Variants in CPQ observed in about 807,000 individuals in gnomAD.
CPQ encodes the protein Ser-Met dipeptidase.
Under a neutral mutation model 45.7 loss-of-function variants are expected in CPQ, and 37 were observed. That is an observed-to-expected ratio of 0.81 (90% CI 0.62 to 1.07). The LOEUF is 1.07. CPQ is among the 50% of genes least tolerant of loss of function. CPQ has a pLI of 0.00. For synonymous variants in CPQ, 186 were observed against 205.8 expected, an observed-to-expected ratio of 0.90 and a Z score of 0.82; for missense variants, 537 against 572.9, an observed-to-expected ratio of 0.94 and a Z score of 0.64.
intron 5 of CPQ, among the ~76,000 whole-genome samples, chr8:96,982,050 T>G: frequency 6.6e-6 from 1 of 152,166 alleles, no homozygotes; most frequent in East Asian, 1.9e-4. Context: ...CACATGATGT[T>G]AAAGAAAACT....
At chr8:96,957,239 G>C (rs1352554603) in intron 4 of CPQ, among the ~76,000 whole-genome samples, 1 of 152,154 alleles carries the variant, frequency 6.6e-6, no homozygotes, top group Admixed American at 6.6e-5. Flanking sequence ...GACATGGCAG[G>C]CAGGAGCCAA....
chr8:96,873,157 C>T (rs1043384649), intron 3 of CPQ, among the ~76,000 whole-genome samples: 7 of 151,728 alleles, frequency 4.6e-5, no homozygotes, highest in African/African-American at 1.4e-4. Flanking sequence ...TTAAACATAT[C>T]GGTTGAGTTT....
intron 2 of CPQ, among the ~76,000 whole-genome samples, chr8:96,795,481 T>G (rs1810916330): frequency 6.6e-6 from 1 of 152,212 alleles, no homozygotes; most frequent in South Asian, 2.1e-4. Flanking sequence ...TATTTTCCTC[T>G]AGAGAGTCAT....
chr8:96,694,794 T>C (rs1042948186), intron 1 of CPQ, among the ~76,000 whole-genome samples: 2 of 152,146 alleles, frequency 1.3e-5, no homozygotes, highest in Non-Finnish European at 2.9e-5. Context: ...TTTATGTGTA[T>C]AAGCAGCTAC....
chr8:97,008,821 G>A (rs1809432337), intron 5 of CPQ, among the ~76,000 whole-genome samples: 1 of 152,184 alleles, frequency 6.6e-6, no homozygotes, highest in South Asian at 2.1e-4. Flanking sequence ...AAAGTGTTTA[G>A]CATATTGCCT....
intron 6 of CPQ, among the ~76,000 whole-genome samples, chr8:97,059,668 T>A (rs935042300): frequency 8.5e-5 from 13 of 152,188 alleles, no homozygotes; most frequent in Non-Finnish European, 1.8e-4. Flanking sequence ...GAAATCACCT[T>A]CATCCACAGA....
At chr8:96,727,055 G>A (rs1809852950) in intron 1 of CPQ, among the ~76,000 whole-genome samples, 1 of 152,112 alleles carries the variant, frequency 6.6e-6, no homozygotes, top group Non-Finnish European at 1.5e-5. Flanking sequence ...CTAGGTTATT[G>A]CTGTTGAGTA....
At chr8:96,926,688 T>C (rs1183815030) in intron 4 of CPQ, among the ~76,000 whole-genome samples, 1 of 151,348 alleles carries the variant, frequency 6.6e-6, no homozygotes, top group Non-Finnish European at 1.5e-5. Flanking sequence ...TTCTTCTCTT[T>C]TTATTGTACT....
intron 6 of CPQ, among the ~76,000 whole-genome samples, chr8:97,033,853 C>A (rs1264455973): frequency 6.6e-6 from 1 of 152,034 alleles, no homozygotes; most frequent in African/African-American, 2.4e-5. Flanking sequence ...TATTAATATT[C>A]ATTATCCTTT....
At chr8:96,676,974 C>T (rs1478231007) in intron 1 of CPQ, among the ~76,000 whole-genome samples, 1 of 152,018 alleles carries the variant, frequency 6.6e-6, no homozygotes, top group Admixed American at 6.6e-5. Flanking sequence ...TGGCCTCCAG[C>T]TCCATCTAAC....
At chr8:97,062,370 C>T (rs190540822) in intron 6 of CPQ, among the ~76,000 whole-genome samples, 11 of 152,210 alleles carry the variant, frequency 7.2e-5, no homozygotes, top group Admixed American at 5.2e-4. Context: ...GTATCAGTTG[C>T]TGAATCAGGA....
At chr8:96,669,031 T>C (rs1808964690) in intron 1 of CPQ, among the ~76,000 whole-genome samples, 1 of 152,216 alleles carries the variant, frequency 6.6e-6, no homozygotes, top group Non-Finnish European at 1.5e-5. Context: ...ACTGAGTGGA[T>C]ATCTTAGATG....
intron 1 of CPQ, among the ~76,000 whole-genome samples, chr8:96,717,579 AT>A (rs1469730340): frequency 1.3e-5 from 2 of 150,688 alleles, no homozygotes; most frequent in South Asian, 2.1e-4. Flanking sequence ...AAATTTTAGG[AT>A]TTTTTTTTCT....
intron 1 of CPQ, among the ~76,000 whole-genome samples, chr8:96,658,603 C>T (rs1367357808): frequency 6.6e-6 from 1 of 152,154 alleles, no homozygotes; most frequent in East Asian, 1.9e-4. Context: ...ATCATCTGGC[C>T]TTAAAATAGG....
rs144847261 is a variant in CPQ at position 96,684,760 on chromosome 8, G to A, written c.-35+39358G>A. Among the ~76,000 whole-genome samples, 7 of 152,266 alleles carry A rather than the reference G, an allele frequency of 4.6e-5. No individual in the cohort carries two copies. The East Asian group carries it at 1.4e-3, about 29-fold the overall frequency. On this transcript the variant is annotated intron_variant, in intron 1 of 7. Coordinates refer to ENST00000220763, the MANE Select transcript of CPQ (RefSeq NM_016134.4). Reference sequence around the variant, plus strand: ...GCCTGTCCTCAGGCCCCCTGATAGTGTGGGGAGGTACGAGCAACAGCAGGT... The same window carrying A: ...GCCTGTCCTCAGGCCCCCTGATAGTATGGGGAGGTACGAGCAACAGCAGGT...
rs182794865 is a variant in CPQ, at chr8:96,836,145, G to A, written c.641+965G>A. Among the ~76,000 whole-genome samples the A allele has an allele frequency of 1.3e-3, 205 of 152,260 alleles. 2 individuals carry two copies. The highest frequency in any genetic ancestry group is 9.9e-3 in the Admixed American group (151 of 15,300). ...ATAATAGCAGATAGGGTTTATTTGGGTCTCCGGATTGGATTTTTAATATCT... is the reference window on the plus strand; with the variant it reads ...ATAATAGCAGATAGGGTTTATTTGGATCTCCGGATTGGATTTTTAATATCT... On this transcript the variant is annotated intron_variant, in intron 3 of 7. Transcript: ENST00000220763.
intron 7 of CPQ, among the ~76,000 whole-genome samples, chr8:97,141,342 C>T (rs1463871285): frequency 2.0e-5 from 3 of 152,098 alleles, no homozygotes; most frequent in South Asian, 2.1e-4. Flanking sequence ...AAGAAAAAGA[C>T]AAATCCATTG....
At chr8:96,927,498 C>G (rs899724311) in intron 4 of CPQ, among the ~76,000 whole-genome samples, 1 of 152,154 alleles carries the variant, frequency 6.6e-6, no homozygotes, top group Admixed American at 6.5e-5. Flanking sequence ...GCCCCAGGGG[C>G]TCCATTCACA....
intron 4 of CPQ, among the ~76,000 whole-genome samples, chr8:96,916,729 T>C (rs1586450435): frequency 6.6e-6 from 1 of 152,122 alleles, no homozygotes; most frequent in East Asian, 1.9e-4. Flanking sequence ...CACACTACAT[T>C]TGAAGTCACA....
Sources: gnomAD v4.1 joint callset for allele counts (sites outside exome capture counted in the v4.1 genomes callset) on GRCh38, gnomAD v4.1.1 for gene constraint, MANE v1.5 for transcripts, NCBI Gene and HGNC (gene_info 2026-07-23, HGNC 2026-07-21) for gene names.